Variants in CNTNAP5 observed in about 807,000 individuals in gnomAD.
CNTNAP5 encodes the protein contactin-associated protein-like 5.
A neutral mutation model predicts 150.2 loss-of-function variants in CNTNAP5; 72 were observed. The observed-to-expected ratio is 0.48, with a 90% CI of 0.40 to 0.58. CNTNAP5 has a LOEUF of 0.58. Among genes scored for constraint, CNTNAP5 ranks in the 20% least tolerant of loss-of-function variants. The pLI is 0.00. For missense variants in CNTNAP5, 1,636 were observed against 1,626.2 expected (o/e 1.01, Z -0.10); for synonymous variants, 672 against 619.8 (o/e 1.08, Z -1.25).
At chr2:124,150,135 G>A (rs919044932) in intron 1 of CNTNAP5, among the ~76,000 whole-genome samples, 2 of 152,120 alleles carry the variant, frequency 1.3e-5, no homozygotes, top group African/African-American at 4.8e-5. Flanking sequence ...TTCTACAAGA[G>A]CGTGTGGATT....
At chr2:124,540,594 T>A (rs1263506991) in intron 10 of CNTNAP5, among the ~76,000 whole-genome samples, 1 of 152,086 alleles carries the variant, frequency 6.6e-6, no homozygotes, top group East Asian at 1.9e-4. Context: ...AGACAGAGAG[T>A]TTTTGATCTT....
intron 1 of CNTNAP5, among the ~76,000 whole-genome samples, chr2:124,154,892 G>A (rs1684486522): frequency 6.6e-6 from 1 of 152,066 alleles, no homozygotes; most frequent in Non-Finnish European, 1.5e-5. Flanking sequence ...CTGCTGTGGG[G>A]TCCAAGCATC....
At chr2:124,535,606 C>CA (rs1168717177) in intron 10 of CNTNAP5, among the ~76,000 whole-genome samples, 3,009 of 75,944 alleles carry the variant, frequency 0.04, 66 homozygotes, top group African/African-American at 0.1. Context: ...TACTGAAATA[C>CA]AAAAAAAAAA....
chr2:124,328,349 C>T (rs546015440), intron 3 of CNTNAP5, among the ~76,000 whole-genome samples: 4 of 152,208 alleles, frequency 2.6e-5, no homozygotes, highest in East Asian at 1.9e-4. Context: ...GCAGTGGGTT[C>T]GTAGCTAACC....
chr2:124,863,033 G>A (rs1677558439), intron 19 of CNTNAP5, among the ~76,000 whole-genome samples: 1 of 152,270 alleles, frequency 6.6e-6, no homozygotes, highest in East Asian at 1.9e-4. Flanking sequence ...GTCCTAAGAG[G>A]AATGGTGGCA....
intron 13 of CNTNAP5, among the ~76,000 whole-genome samples, chr2:124,726,986 T>C (rs1680169804): frequency 1.3e-5 from 2 of 152,260 alleles, no homozygotes; most frequent in East Asian, 1.9e-4. Flanking sequence ...GTTTAAATTT[T>C]TAATCAATTT....
chr2:124,794,521 A>C (rs1034355502), intron 18 of CNTNAP5, among the ~76,000 whole-genome samples: 2 of 152,216 alleles, frequency 1.3e-5, no homozygotes, highest in African/African-American at 4.8e-5. Context: ...TTATTTTCTT[A>C]ATAACAGAAT....
chr2:124,470,152 T>A (rs1693474549), intron 6 of CNTNAP5, among the ~76,000 whole-genome samples: 1 of 152,212 alleles, frequency 6.6e-6, no homozygotes, highest in African/African-American at 2.4e-5. Context: ...ATCACCACAC[T>A]GTCTTCCACA....
chr2:124,396,946 A>C (rs1691264366), intron 3 of CNTNAP5, among the ~76,000 whole-genome samples: 1 of 152,226 alleles, frequency 6.6e-6, no homozygotes, highest in African/African-American at 2.4e-5. Flanking sequence ...GGCCAGTCTT[A>C]GAGTCAAATG....
At chr2:124,771,082 A>G (rs1034666156) in intron 16 of CNTNAP5, among the ~76,000 whole-genome samples, 4 of 152,294 alleles carry the variant, frequency 2.6e-5, no homozygotes, top group East Asian at 3.9e-4. Flanking sequence ...AATTCTGTGT[A>G]ATGCGGACTT....
In CNTNAP5 at chr2:124,620,028, A is replaced by G. The variant is rs1677579126; in HGVS notation, c.1876+10108A>G. On this transcript the variant is annotated intron_variant, in intron 12 of 23. Coordinates refer to ENST00000682447, the MANE Select transcript of CNTNAP5 (RefSeq NM_001367498.1). ...ATTTGGGTGTCTCAAGATGGGTTTA[A>G]TGCCCCTACTCTGTGTTCTGCTCAT... 3.3e-5 allele frequency among the ~76,000 whole-genome samples: 5 copies of G among 150,770 alleles called. No homozygotes were observed. In the Admixed American group the frequency reaches 3.3e-4, roughly 10 times the overall value.
intron 11 of CNTNAP5, among the ~76,000 whole-genome samples, chr2:124,569,058 A>T (rs547505853): frequency 4.1e-4 from 63 of 151,864 alleles, no homozygotes; most frequent in Middle Eastern, 3.4e-3. Context: ...AAAAGAAAAA[A>T]ATATATATAT....
intron 6 of CNTNAP5, among the ~76,000 whole-genome samples, chr2:124,461,533 G>C (rs1281954759): frequency 7.7e-6 from 1 of 129,568 alleles, no homozygotes; most frequent in East Asian, 2.6e-4. Flanking sequence ...GTTGTGGGGT[G>C]GGGGGAGGGG....
intron 1 of CNTNAP5, among the ~76,000 whole-genome samples, chr2:124,154,431 C>T (rs567504942): frequency 6.6e-6 from 1 of 152,222 alleles, no homozygotes; most frequent in South Asian, 2.1e-4. Flanking sequence ...AGCCAATTCA[C>T]TGGGAAATGC....
At chr2:124,682,452 G>A (rs755161604) in intron 13 of CNTNAP5, among the ~76,000 whole-genome samples, 4 of 152,140 alleles carry the variant, frequency 2.6e-5, no homozygotes, top group Non-Finnish European at 4.4e-5. Flanking sequence ...TGTTGACTGT[G>A]CTCTAATAAT....
intron 13 of CNTNAP5, among the ~76,000 whole-genome samples, chr2:124,707,346 G>T (rs1360954021): frequency 6.6e-6 from 1 of 152,132 alleles, no homozygotes; most frequent in Non-Finnish European, 1.5e-5. Flanking sequence ...ATTTCCATTA[G>T]AACTTGAAAT....
At chr2:124,454,764 G>A (rs184893289) in intron 6 of CNTNAP5, among the ~76,000 whole-genome samples, 2 of 152,152 alleles carry the variant, frequency 1.3e-5, no homozygotes, top group African/African-American at 4.8e-5. Context: ...CAAATACATG[G>A]AAATTAAATA....
At chr2:124,476,368 G>T (rs894544279) in intron 7 of CNTNAP5, among the ~76,000 whole-genome samples, 5 of 152,048 alleles carry the variant, frequency 3.3e-5, no homozygotes, top group African/African-American at 1.2e-4. Context: ...AAACCACAAG[G>T]GATATGTTTG....
chr2:124,715,931 A>G (rs1000102018), intron 13 of CNTNAP5, among the ~76,000 whole-genome samples: 2 of 152,262 alleles, frequency 1.3e-5, no homozygotes, highest in East Asian at 1.9e-4. Flanking sequence ...AATTCTTCTC[A>G]AGGTGACCCT....
Sources: gnomAD v4.1 joint callset for allele counts (sites outside exome capture counted in the v4.1 genomes callset) on GRCh38, gnomAD v4.1.1 for gene constraint, MANE v1.5 for transcripts, NCBI Gene and HGNC (gene_info 2026-07-23, HGNC 2026-07-21) for gene names.